ERO1A: variants seen among roughly 807,000 people sequenced by gnomAD.
ERO1A encodes the protein ERO1-like protein alpha.
Under a neutral mutation model 76.9 loss-of-function variants are expected in ERO1A, and 49 were observed. The observed-to-expected ratio is 0.64, with a 90% CI of 0.51 to 0.81. ERO1A has a LOEUF of 0.81. ERO1A is among the 30% of genes least tolerant of loss of function. The pLI, the probability that ERO1A is intolerant of heterozygous loss-of-function variation, is 0.00. For synonymous variants in ERO1A, 174 were observed against 181.2 expected, an observed-to-expected ratio of 0.96 and a Z score of 0.32; for missense variants, 448 against 542.1, an observed-to-expected ratio of 0.83 and a Z score of 1.72.
intron 1 of ERO1A, 128 bp downstream of exon 1, chr14:52,695,240 C>T: frequency 1.7e-6 from 1 of 599,168 alleles, no homozygotes; most frequent in Non-Finnish European, 2.5e-6. Context: ...GCAGCAGCAC[C>T]GGAGTCTCAT....
At chr14:52,657,195 T>C (rs1043596215) in intron 11 of ERO1A, among the ~76,000 whole-genome samples, 1 of 152,158 alleles carries the variant, frequency 6.6e-6, no homozygotes, top group Non-Finnish European at 1.5e-5. Context: ...TTGCATATAA[T>C]AAAAAGTGGA....
rs145479704 is a variant in ERO1A, at chr14:52,669,621, T to TG, written c.508+2008dup. ...TATCGCATATTACTCCAGCTGGACC[T>TG]GGGGGAGCAATCTTTATTCAAACAC... On this transcript the variant is annotated intron_variant, in intron 6 of 15. Transcript: ENST00000395686. Among the ~76,000 whole-genome samples the TG allele has an allele frequency of 6.2e-3, 944 of 152,278 alleles. 9 individuals are homozygous for TG. Among genetic ancestry groups the TG allele is most frequent in the African/African-American group, 0.022 (902 of 41,530 alleles).
chr14:52,676,007 C>T (rs1323745979), intron 4 of ERO1A, among the ~76,000 whole-genome samples: 2 of 152,228 alleles, frequency 1.3e-5, no homozygotes, highest in Middle Eastern at 3.4e-3. Context: ...TAAAAGCTGA[C>T]ATTTTTTACA....
At chr14:52,664,242 G>C (rs908348813) in intron 7 of ERO1A, 2 of 152,252 alleles carry the variant, frequency 1.3e-5, no homozygotes, top group African/African-American at 2.4e-5. Context: ...TTCAATATAA[G>C]CATTAAAATT....
chr14:52,654,816 TCTC>T lies in ERO1A; in HGVS notation c.809-1504_809-1502del, dbSNP rs1371132482. Reference sequence around the variant, plus strand: ...CTAACTGTGTATTCATCACAGCCCTTCTCCTTCTTTTTCTATGTGATGGCTACA... The same window carrying T: ...CTAACTGTGTATTCATCACAGCCCTTCTTCTTTTTCTATGTGATGGCTACA... On this transcript the variant is annotated intron_variant, in intron 11 of 15. Transcript: ENST00000395686. Among the ~76,000 whole-genome samples the T allele has an allele frequency of 2.0e-5, 3 of 152,186 alleles. No individual in the cohort carries two copies. In the East Asian group the frequency reaches 5.8e-4, roughly 29 times the overall value.
chr14:52,667,035 G>A lies in ERO1A; in HGVS notation c.509-540C>T, dbSNP rs186991579. On this transcript the variant is annotated intron_variant, in intron 6 of 15. Transcript: ENST00000395686. Reference sequence around the variant, plus strand: ...TTAGGAATTGTAAAAATAGGAATACGTGAATTTTAGAATCAAAGAAACATG... The same window carrying A: ...TTAGGAATTGTAAAAATAGGAATACATGAATTTTAGAATCAAAGAAACATG... Among the ~76,000 whole-genome samples, 231 of 152,314 alleles carry A rather than the reference G, an allele frequency of 1.5e-3. 2 individuals carry two copies. The highest frequency in any genetic ancestry group is 5.4e-3 in the Admixed American group (83 of 15,294).
intron 15 of ERO1A, among the ~76,000 whole-genome samples, chr14:52,643,947 G>C (rs2139612037): frequency 6.6e-6 from 1 of 152,138 alleles, no homozygotes; most frequent in East Asian, 1.9e-4. Context: ...AGAACAGCCT[G>C]GACAACACAG....
chr14:52,690,892 T>G (rs1179083484), intron 1 of ERO1A, among the ~76,000 whole-genome samples: 2 of 152,056 alleles, frequency 1.3e-5, no homozygotes, highest in African/African-American at 4.8e-5. Context: ...CTCAGCCTCC[T>G]GAGTAGCTGG....
chr14:52,661,016 T>C (rs751390353), intron 9 of ERO1A, among the ~76,000 whole-genome samples: 1 of 152,036 alleles, frequency 6.6e-6, no homozygotes, highest in Non-Finnish European at 1.5e-5. Context: ...CCTGAGGCAA[T>C]GGGGGAGACG....
At chr14:52,672,784 AAAAAAAAAAC>A (rs2040649220) in intron 4 of ERO1A, among the ~76,000 whole-genome samples, 1 of 150,760 alleles carries the variant, frequency 6.6e-6, no homozygotes, top group Non-Finnish European at 1.5e-5. Context: ...ACCAAAAAAA[AAAAAAAAAAC>A]AAAAAACAAA....
rs1046078433 is a variant in ERO1A, at chr14:52,671,967, T to A, written c.358-96A>T. 4 of 888,220 alleles carry A rather than the reference T, an allele frequency of 4.5e-6. No individual in the cohort carries two copies. In the African/African-American group the frequency reaches 6.8e-5, roughly 15 times the overall value. 55.0% of individuals were successfully genotyped at this position (888,220 alleles called of 1,614,324 possible). Reference sequence around the variant, plus strand: ...TATCTGAAGCTCTTTTTATTTTTTTTATTTTTCCAATATGTTCTTATTGCT... The same window carrying A: ...TATCTGAAGCTCTTTTTATTTTTTTAATTTTTCCAATATGTTCTTATTGCT... On this transcript the variant is annotated intron_variant, in intron 4 of 15. Transcript: ENST00000395686.
chr14:52,694,024 A>G (rs1211963200), intron 1 of ERO1A, among the ~76,000 whole-genome samples: 1 of 152,218 alleles, frequency 6.6e-6, no homozygotes, highest in Non-Finnish European at 1.5e-5. Flanking sequence ...TATTAAGGAA[A>G]AAAAAAGTAA....
At chr14:52,666,142 T>C (rs112892998) in intron 7 of ERO1A, among the ~76,000 whole-genome samples, 3 of 152,138 alleles carry the variant, frequency 2.0e-5, no homozygotes, top group African/African-American at 7.2e-5. Context: ...TCAAGGAACA[T>C]TTGTCAAGGG....
At position 52,658,157 on chromosome 14, in the gene ERO1A, T is replaced by C. The variant is rs751208796; in HGVS notation, c.689-7A>G. The C allele has an allele frequency of 2.0e-6, 3 of 1,492,664 alleles. No individual in the cohort carries two copies. The highest frequency in any genetic ancestry group is 2.0e-5 in the Admixed American group (1 of 49,966). 92.5% of individuals were successfully genotyped at this position (1,492,664 alleles called of 1,614,324 possible). ...CAACTGTAAAAAGTGTTCTCTGAAA[T>C]CAAAAGAAAAATAAGTCATAAGAAT... On this transcript the variant is annotated splice_polypyrimidine_tract_variant and splice_region_variant and intron_variant, in intron 9 of 15. Coordinates refer to ENST00000395686, the MANE Select transcript of ERO1A (RefSeq NM_014584.3).
In ERO1A at chr14:52,682,309, T is replaced by A. The variant is rs767591462; in HGVS notation, c.318+16A>T. 1.3e-5 allele frequency: 20 copies of A among 1,534,340 alleles called. No homozygotes were observed. The South Asian group carries it at 2.1e-4, about 16-fold the overall frequency. The stretch of plus-strand genomic sequence containing the variant: ...AAAAACATGTAACAGTTTTTAAATG[T>A]ATACATGGTTCTTACAGATTGACAT... On this transcript the variant is annotated intron_variant, in intron 3 of 15. Transcript: ENST00000395686.
intron 1 of ERO1A, among the ~76,000 whole-genome samples, chr14:52,687,721 T>C (rs2041223506): frequency 6.6e-6 from 1 of 152,218 alleles, no homozygotes; most frequent in Non-Finnish European, 1.5e-5. Flanking sequence ...AATGCTAATG[T>C]GTTTTAAAGG....
chr14:52,670,769 A>G (rs1186532892), intron 6 of ERO1A, among the ~76,000 whole-genome samples: 1 of 152,278 alleles, frequency 6.6e-6, no homozygotes, highest in Non-Finnish European at 1.5e-5. Context: ...ACAAAATTAT[A>G]TAAACCACAA....
chr14:52,651,106 C>CAAAAAAAAAAAAAAAAAAAAAATAAAA (rs5808681), intron 13 of ERO1A, among the ~76,000 whole-genome samples: 1 of 102,370 alleles, frequency 9.8e-6, no homozygotes, highest in African/African-American at 3.8e-5. Context: ...CTGTTTCTAC[C>CAAAAAAAAAAAAAAAAAAAAAATAAAA]AAAAAAAAAA....
chr14:52,678,244 T>C, intron 4 of ERO1A, 190 bp downstream of exon 4: 2 of 416,402 alleles, frequency 4.8e-6, no homozygotes, highest in Non-Finnish European at 8.4e-6. Flanking sequence ...CTCAAAAAAA[T>C]AAATAAAATA....
Sources: gnomAD v4.1 joint callset for allele counts (sites outside exome capture counted in the v4.1 genomes callset) on GRCh38, gnomAD v4.1.1 for gene constraint, MANE v1.5 for transcripts, NCBI Gene and HGNC (gene_info 2026-07-23, HGNC 2026-07-21) for gene names.